The following SORT1 variants were observed in gnomAD, a reference collection of about 807,000 sequenced individuals.
SORT1 encodes sortilin 1, also known as sortilin.
Under a neutral mutation model 101.7 loss-of-function variants are expected in SORT1, and 39 were observed. That is an observed-to-expected ratio of 0.38 (90% CI 0.30 to 0.50). The LOEUF is 0.50. Among genes scored for constraint, SORT1 ranks in the 20% least tolerant of loss-of-function variants. The pLI is 0.90. For synonymous variants in SORT1, 396 were observed against 393.7 expected, an observed-to-expected ratio of 1.01 and a Z score of -0.07; for missense variants, 878 against 1,040.4, an observed-to-expected ratio of 0.84 and a Z score of 2.15.
At chr1:109,335,074 A>G (rs932535100) in intron 11 of SORT1, among the ~76,000 whole-genome samples, 2 of 152,058 alleles carry the variant, frequency 1.3e-5, no homozygotes, top group Non-Finnish European at 2.9e-5. Flanking sequence ...GGGTTGGGGG[A>G]GACAGGCCCA....
At chr1:109,349,863 A>G (rs566012631) in intron 6 of SORT1, among the ~76,000 whole-genome samples, 1 of 152,356 alleles carries the variant, frequency 6.6e-6, no homozygotes, top group East Asian at 1.9e-4. Context: ...TCAAATCTGT[A>G]TTCTACACTT....
At chr1:109,345,240 C>T (rs974613082) in intron 8 of SORT1, among the ~76,000 whole-genome samples, 3 of 152,128 alleles carry the variant, frequency 2.0e-5, no homozygotes, top group African/African-American at 4.8e-5. Flanking sequence ...CCTGGCCGGG[C>T]GCGGTGGCTC....
At chr1:109,355,641 A>ACCCCCCCCCCCCCCCCCCCCCCCC (rs529686433) in intron 3 of SORT1, among the ~76,000 whole-genome samples, 172 bp from the exon 4 acceptor site, 1 of 84,100 alleles carries the variant, frequency 1.2e-5, no homozygotes, top group Non-Finnish European at 2.3e-5. Context: ...AGAACATTCC[A>ACCCCCCCCCCCCCCCCCCCCCCCC]CCCGCCCCCC....
At position 109,397,662 on chromosome 1, in the gene SORT1, G is replaced by T; in HGVS notation, c.231C>A (p.Arg77=). 1 of 1,217,984 alleles carries T rather than the reference G, an allele frequency of 8.2e-7. No homozygotes were observed. Among genetic ancestry groups the T allele is most frequent in the Non-Finnish European group, 1.0e-6 (1 of 974,760 alleles). 75.4% of individuals were successfully genotyped at this position (1,217,984 alleles called of 1,614,324 possible). ...GAFPRGGRWR[R]SAPGEDEECG... Reference sequence around the variant, plus strand: ...ACTCCTCGTCCTCGCCCGGCGCGCTGCGACGCCAACGGCCGCCGCGGGGAA... The same window carrying T: ...ACTCCTCGTCCTCGCCCGGCGCGCTTCGACGCCAACGGCCGCCGCGGGGAA... Residue 77 remains arginine, a synonymous_variant, in exon 1 of 20, where the codon CGC becomes CGA. Transcript: ENST00000256637.
chr1:109,387,845 G>C (rs1024864302), intron 1 of SORT1, among the ~76,000 whole-genome samples: 4 of 152,158 alleles, frequency 2.6e-5, no homozygotes, highest in Non-Finnish European at 5.9e-5. Flanking sequence ...CAGCTACTTG[G>C]GGGGCTGAGG....
In SORT1 at chr1:109,314,272, C is replaced by T. The variant is rs770115989; in HGVS notation, c.2470G>A (p.Asp824Asn). ...SHTNKSGYHD[D>N]SDEDLLE ...AGAAATAGCCTCACCTCATCTGAGT[C>T]ATCATGATAACCACTTTTATTAGTG... The change falls in exon 19 of 20, where the codon GAC (aspartate) becomes AAC (asparagine). Residue 824 changes from aspartate (D) to asparagine (N), a missense_variant. Transcript: ENST00000256637. 4 of 1,613,174 alleles carry T rather than the reference C, an allele frequency of 2.5e-6. No homozygotes were observed. The South Asian group carries it at 4.4e-5, about 18-fold the overall frequency.
At chr1:109,392,634 T>C in intron 1 of SORT1, 19 of 985,298 alleles carry the variant, frequency 1.9e-5, no homozygotes, top group Non-Finnish European at 2.3e-5. Flanking sequence ...CTGTCATACC[T>C]GGCTAGCTTT....
chr1:109,348,846 G>C (rs1291967754), intron 6 of SORT1, among the ~76,000 whole-genome samples: 5 of 152,064 alleles, frequency 3.3e-5, no homozygotes, highest in Admixed American at 3.3e-4. Flanking sequence ...GTGTATGCCT[G>C]TAGTTCCAGC....
chr1:109,395,573 T>TA (rs944127862), intron 1 of SORT1, among the ~76,000 whole-genome samples: 3 of 151,018 alleles, frequency 2.0e-5, no homozygotes, highest in South Asian at 2.1e-4. Context: ...AGAGAAAAAC[T>TA]AAAAAAAAAT....
chr1:109,322,598 A>C (rs1253525448), intron 15 of SORT1, among the ~76,000 whole-genome samples: 3 of 152,092 alleles, frequency 2.0e-5, no homozygotes, highest in Non-Finnish European at 1.5e-5. Context: ...GCATGATCTC[A>C]GCTCACTGCA....
chr1:109,340,248 A>G (rs557704394), intron 10 of SORT1, among the ~76,000 whole-genome samples: 7 of 152,206 alleles, frequency 4.6e-5, no homozygotes, highest in Admixed American at 1.3e-4. Flanking sequence ...ATTCTAAAAC[A>G]TGCTGCAATG....
At position 109,317,102 on chromosome 1, in the gene SORT1, G is replaced by T. The variant is rs140856969; in HGVS notation, c.2142-144C>A. 65 of 606,418 alleles carry T rather than the reference G, an allele frequency of 1.1e-4. 2 individuals carry two copies. The highest frequency in any genetic ancestry group is 9.0e-4 in the African/African-American group (47 of 52,510). The allele number at this position is 606,418 out of a possible 1,614,324, so 37.6% of individuals were successfully genotyped here. A position where few individuals can be genotyped will look rare whatever the true frequency, so the allele number is the denominator to read the frequency against. The stretch of plus-strand genomic sequence containing the variant: ...TCAGGCCTGGGGGGAATGTCCACAG[G>T]GATGTTTTGGGGGATATTTTGTGTA... On this transcript the variant is annotated intron_variant, in intron 16 of 19. Coordinates refer to ENST00000256637, the MANE Select transcript of SORT1 (RefSeq NM_002959.7).
chr1:109,328,856 C>A (rs1159196071), intron 11 of SORT1, among the ~76,000 whole-genome samples: 1 of 152,158 alleles, frequency 6.6e-6, no homozygotes, highest in African/African-American at 2.4e-5. Flanking sequence ...TCTCACAGAC[C>A]CAGCCAAGTG....
rs556648604 is a variant in SORT1, at chr1:109,312,664, A to G, written c.*1379T>C. 25 of 152,708 alleles carry G rather than the reference A, an allele frequency of 1.6e-4. No individual in the cohort carries two copies. The highest frequency in any genetic ancestry group is 4.8e-4 in the African/African-American group (20 of 41,550). The allele number at this position is 152,708 out of a possible 1,614,324, so 9.5% of individuals were successfully genotyped here. A position where few individuals can be genotyped will look rare whatever the true frequency, so the allele number is the denominator to read the frequency against. Reference sequence around the variant, plus strand: ...ATTAAGACCAAAAACTTTCCATACTATATTTCTATATAGCAAATATTCAAG... The same window carrying G: ...ATTAAGACCAAAAACTTTCCATACTGTATTTCTATATAGCAAATATTCAAG... On this transcript the variant is annotated 3_prime_UTR_variant, in exon 20 of 20. Transcript: ENST00000256637.
At chr1:109,370,986 C>G (rs894472298) in intron 1 of SORT1, among the ~76,000 whole-genome samples, 1 of 152,214 alleles carries the variant, frequency 6.6e-6, no homozygotes, top group Non-Finnish European at 1.5e-5. Context: ...TGTTTATCTT[C>G]GAATTTTCTC....
At chr1:109,389,601 T>C (rs1173810690) in intron 1 of SORT1, among the ~76,000 whole-genome samples, 1 of 152,206 alleles carries the variant, frequency 6.6e-6, no homozygotes, top group Non-Finnish European at 1.5e-5. Context: ...CAGCAAGAGT[T>C]CAACCTTATC....
At chr1:109,379,314 A>G (rs1652076636) in intron 1 of SORT1, among the ~76,000 whole-genome samples, 1 of 151,986 alleles carries the variant, frequency 6.6e-6, no homozygotes, top group African/African-American at 2.4e-5. Context: ...AAAAAAAAAA[A>G]ATCATACAAA....
chr1:109,387,483 G>C (rs1331995268), intron 1 of SORT1, among the ~76,000 whole-genome samples: 1 of 151,890 alleles, frequency 6.6e-6, no homozygotes, highest in Non-Finnish European at 1.5e-5. Flanking sequence ...ACACAGTAAA[G>C]ACCATGTCTC....
At chr1:109,316,522 G>A (rs1036811247) in intron 17 of SORT1, among the ~76,000 whole-genome samples, 1 of 152,128 alleles carries the variant, frequency 6.6e-6, no homozygotes. Context: ...GTGAGCCACT[G>A]TACCCAGCCC....
Sources: gnomAD v4.1 joint callset for allele counts (sites outside exome capture counted in the v4.1 genomes callset) on GRCh38, gnomAD v4.1.1 for gene constraint, MANE v1.5 for transcripts, NCBI Gene and HGNC (gene_info 2026-07-23, HGNC 2026-07-21) for gene names.